The following SMAP1 variants were observed in gnomAD, a reference collection of about 807,000 sequenced individuals.
SMAP1 encodes small ArfGAP 1, also known as stromal membrane-associated protein 1.
SMAP1 carries 24 observed loss-of-function variants against 58.5 expected under a neutral mutation model. That is an observed-to-expected ratio of 0.41 (90% confidence interval 0.30 to 0.58). The LOEUF is 0.58. Ranked by LOEUF, SMAP1 falls within the 20% of genes least tolerant of loss-of-function variation. The pLI is 0.29. For missense variants in SMAP1, 563 were observed against 566.3 expected (o/e 0.99, Z 0.06); for synonymous variants, 216 against 196.6 (o/e 1.10, Z -0.82).
At chr6:70,810,880 T>TAG (rs1376632405) in intron 6 of SMAP1, among the ~76,000 whole-genome samples, 1 of 152,194 alleles carries the variant, frequency 6.6e-6, no homozygotes. Context: ...CTTTCTGTCT[T>TAG]TACTAACATT....
intron 10 of SMAP1, 186 bp from the exon 11 acceptor site, chr6:70,860,014 A>G: frequency 1.9e-6 from 1 of 536,776 alleles, no homozygotes; most frequent in Non-Finnish European, 3.0e-6. Flanking sequence ...CTGTATCTAG[A>G]AAGTAGATAA....
At position 70,677,325 on chromosome 6, in the gene SMAP1, A is replaced by T. The variant is rs991127435; in HGVS notation, c.118+9184A>T. Among the ~76,000 whole-genome samples the T allele has an allele frequency of 3.3e-5, 5 of 150,252 alleles. 1 individual carries two copies. The highest frequency in any genetic ancestry group is 7.3e-5 in the African/African-American group (3 of 40,978). On this transcript the variant is annotated intron_variant, in intron 1 of 10. Transcript: ENST00000370455. Reference sequence around the variant, plus strand: ...GGATTCAGTCCAAGCTTTGCCTCTGACTTGCTTAGTGACCAGTTGTCCTTG... The same window carrying T: ...GGATTCAGTCCAAGCTTTGCCTCTGTCTTGCTTAGTGACCAGTTGTCCTTG...
chr6:70,830,635 A>T (rs1030859285), intron 6 of SMAP1, among the ~76,000 whole-genome samples: 4 of 152,214 alleles, frequency 2.6e-5, no homozygotes, highest in African/African-American at 7.2e-5. Flanking sequence ...ATGACTTCTT[A>T]TGTTATAGGC....
intron 1 of SMAP1, among the ~76,000 whole-genome samples, chr6:70,683,730 A>T (rs1010743312): frequency 6.6e-6 from 1 of 152,168 alleles, no homozygotes; most frequent in African/African-American, 2.4e-5. Context: ...ATCTATATCT[A>T]TATATTTTTC....
chr6:70,706,940 C>A lies in SMAP1; in HGVS notation c.119-25438C>A, dbSNP rs753744073. ...TAGTTTCTGGAATTTAATCATTAGT[C>A]ATTAGAATGATGTTAGAATAAAATT... On this transcript the variant is annotated intron_variant, in intron 1 of 10. Transcript: ENST00000370455. Among the ~76,000 whole-genome samples, 32 of 152,236 alleles carry A rather than the reference C, an allele frequency of 2.1e-4. 1 individual carries two copies. Among genetic ancestry groups the A allele is most frequent in the Admixed American group, 1.6e-3 (24 of 15,300 alleles).
At chr6:70,771,612 G>T (rs116951238) in intron 3 of SMAP1, among the ~76,000 whole-genome samples, 3,570 of 152,300 alleles carry the variant, frequency 0.023, 52 homozygotes, top group Non-Finnish European at 0.037. Context: ...GAAAAGCGCG[G>T]TGTTGGGGTG....
chr6:70,696,625 A>C (rs898727726), intron 1 of SMAP1, among the ~76,000 whole-genome samples: 3 of 152,152 alleles, frequency 2.0e-5, no homozygotes, highest in African/African-American at 7.2e-5. Context: ...TGTGAATTCA[A>C]ATTTTTTGAA....
At chr6:70,779,547 G>A (rs1231887484) in intron 4 of SMAP1, among the ~76,000 whole-genome samples, 3 of 152,138 alleles carry the variant, frequency 2.0e-5, no homozygotes, top group Admixed American at 1.3e-4. Context: ...GTGGGAATGT[G>A]GACTGTTAAG....
At chr6:70,669,141 G>A (rs1198331148) in intron 1 of SMAP1, among the ~76,000 whole-genome samples, 1 of 152,046 alleles carries the variant, frequency 6.6e-6, no homozygotes, top group Non-Finnish European at 1.5e-5. Flanking sequence ...GTCTTGTGTA[G>A]TTAAGAAAAG....
intron 1 of SMAP1, among the ~76,000 whole-genome samples, chr6:70,706,887 G>C (rs1289581791): frequency 6.6e-6 from 1 of 152,100 alleles, no homozygotes; most frequent in Non-Finnish European, 1.5e-5. Flanking sequence ...ATAGCCCCAG[G>C]ATATATCAAA....
intron 3 of SMAP1, among the ~76,000 whole-genome samples, chr6:70,771,600 C>T (rs897708912): frequency 2.0e-5 from 3 of 152,244 alleles, no homozygotes; most frequent in Admixed American, 6.5e-5. Context: ...TTAAGCCCGT[C>T]GGAAAAGCGC....
At chr6:70,675,206 T>TG (rs1766431296) in intron 1 of SMAP1, among the ~76,000 whole-genome samples, 1 of 147,184 alleles carries the variant, frequency 6.8e-6, no homozygotes, top group Admixed American at 6.8e-5. Flanking sequence ...GTGTTTTTTT[T>TG]TTTTTTTTTT....
intron 2 of SMAP1, among the ~76,000 whole-genome samples, chr6:70,736,272 T>C (rs1198179981): frequency 6.6e-5 from 10 of 152,210 alleles, no homozygotes; most frequent in Admixed American, 6.5e-4. Flanking sequence ...TAAAAGTTCT[T>C]TTAATGTGGT....
At chr6:70,691,588 C>A (rs1767171099) in intron 1 of SMAP1, among the ~76,000 whole-genome samples, 2 of 152,110 alleles carry the variant, frequency 1.3e-5, no homozygotes, top group South Asian at 4.1e-4. Flanking sequence ...CATCTCAATT[C>A]TGTGGCCCTC....
intron 8 of SMAP1, among the ~76,000 whole-genome samples, chr6:70,854,582 A>G (rs1771322844): frequency 6.6e-6 from 1 of 152,042 alleles, no homozygotes; most frequent in Non-Finnish European, 1.5e-5. Flanking sequence ...AGATCACGCC[A>G]TTGCACTCCA....
intron 6 of SMAP1, among the ~76,000 whole-genome samples, chr6:70,828,364 G>A (rs1375864123): frequency 2.6e-5 from 4 of 152,124 alleles, no homozygotes; most frequent in African/African-American, 9.7e-5. Context: ...AGGTAATCAA[G>A]ATAGGTTAGT....
intron 7 of SMAP1, among the ~76,000 whole-genome samples, chr6:70,848,877 A>T (rs1771084173): frequency 6.6e-6 from 1 of 152,250 alleles, no homozygotes; most frequent in South Asian, 2.1e-4. Context: ...ACCCACTGGG[A>T]ACTTGTGTTT....
chr6:70,685,221 A>C (rs1352888204), intron 1 of SMAP1, among the ~76,000 whole-genome samples: 1 of 151,988 alleles, frequency 6.6e-6, no homozygotes, highest in Non-Finnish European at 1.5e-5. Flanking sequence ...AATTGAAGAG[A>C]TTCTGAGACT....
chr6:70,727,134 G>A (rs6902786), intron 1 of SMAP1, among the ~76,000 whole-genome samples: 21,415 of 151,700 alleles, frequency 0.14, 2,839 homozygotes, highest in East Asian at 0.54. Flanking sequence ...TAAAGACAGC[G>A]TCTCCCTCTG....
Sources: gnomAD v4.1 joint callset for allele counts (sites outside exome capture counted in the v4.1 genomes callset) on GRCh38, gnomAD v4.1.1 for gene constraint, MANE v1.5 for transcripts, NCBI Gene and HGNC (gene_info 2026-07-23, HGNC 2026-07-21) for gene names.